Variants in DDX60 observed in about 807,000 individuals in gnomAD.
DDX60 encodes the protein probable ATP-dependent RNA helicase DDX60.
Under a neutral mutation model 212.8 loss-of-function variants are expected in DDX60, and 165 were observed. That is an observed-to-expected ratio of 0.78 (90% confidence interval 0.68 to 0.88). DDX60 has a LOEUF of 0.88. Among genes scored for constraint, DDX60 ranks in the 40% least tolerant of loss-of-function variants. The pLI is 0.00. For missense variants in DDX60, 1,905 were observed against 2,003.9 expected (o/e 0.95, Z 0.94); for synonymous variants, 703 against 685.3 (o/e 1.03, Z -0.40).
intron 3 of DDX60, 65 bp from the exon 4 acceptor site, chr4:168,308,260 G>A (rs1249072342): frequency 2.7e-5 from 25 of 941,362 alleles, no homozygotes; most frequent in Admixed American, 6.0e-5. Context: ...AAAAGGCATC[G>A]TTCTTATTAG....
rs181020763 is a variant in DDX60, at chr4:168,222,681, C to A, written c.4825-800G>T. 1.8e-4 allele frequency among the ~76,000 whole-genome samples: 28 copies of A among 152,218 alleles called. No homozygotes were observed. The East Asian group carries it at 4.8e-3, about 26-fold the overall frequency. Reference sequence around the variant, plus strand: ...TTCACTCCTGCTGAGACTTGTTTGGCACAGCTACTTTTTAAATGAGTTGGT... The same window carrying A: ...TTCACTCCTGCTGAGACTTGTTTGGAACAGCTACTTTTTAAATGAGTTGGT... On this transcript the variant is annotated intron_variant, in intron 35 of 37. Coordinates refer to ENST00000393743, the MANE Select transcript of DDX60 (RefSeq NM_017631.6).
At chr4:168,281,290 T>C (rs1735582924) in intron 13 of DDX60, among the ~76,000 whole-genome samples, 3 of 152,204 alleles carry the variant, frequency 2.0e-5, no homozygotes, top group Admixed American at 2.0e-4. Flanking sequence ...CCCTGTTCTC[T>C]ACTTGTTTAT....
chr4:168,294,906 A>T (rs1157247439), intron 6 of DDX60, among the ~76,000 whole-genome samples: 1 of 152,226 alleles, frequency 6.6e-6, no homozygotes, highest in Non-Finnish European at 1.5e-5. Context: ...AACGACCTGG[A>T]CAGTCATTAC....
intron 30 of DDX60, among the ~76,000 whole-genome samples, chr4:168,245,359 T>G (rs536879791): frequency 6.6e-6 from 1 of 152,188 alleles, no homozygotes; most frequent in Non-Finnish European, 1.5e-5. Flanking sequence ...TTAGTTTGAT[T>G]TGATGAATGA....
intron 14 of DDX60, among the ~76,000 whole-genome samples, chr4:168,279,458 C>A (rs531717341): frequency 3.3e-5 from 5 of 152,330 alleles, no homozygotes; most frequent in African/African-American, 1.2e-4. Context: ...ATTCAATCAG[C>A]AATTGATGCA....
At chr4:168,307,957 T>G (rs777341083) in intron 4 of DDX60, 49 bp downstream of exon 4, 3 of 1,168,704 alleles carry the variant, frequency 2.6e-6, no homozygotes, top group Non-Finnish European at 3.5e-6. Flanking sequence ...TTTAGGAAAT[T>G]TTAGTTTTAG....
rs142409343 is a variant in DDX60 at position 168,227,183 on chromosome 4, T to C, written c.4534-1507A>G. On this transcript the variant is annotated intron_variant, in intron 33 of 37. Coordinates refer to ENST00000393743, the MANE Select transcript of DDX60 (RefSeq NM_017631.6). ...GGAAGAATTCACCAGTGAAGCCATC[T>C]GAGCCTTGGGTTTTCTTTGTGGGAA... Among the ~76,000 whole-genome samples, 130 of 150,844 alleles carry C rather than the reference T, an allele frequency of 8.6e-4. 1 individual carries two copies. In the East Asian group the frequency reaches 0.019, roughly 22 times the overall value.
At chr4:168,270,063 G>A (rs969500186) in intron 19 of DDX60, among the ~76,000 whole-genome samples, 3 of 152,148 alleles carry the variant, frequency 2.0e-5, no homozygotes, top group Non-Finnish European at 4.4e-5. Context: ...GAGCTCACTT[G>A]TTTATTTCCT....
chr4:168,222,513 T>C (rs1313204934), intron 35 of DDX60, among the ~76,000 whole-genome samples: 2 of 152,136 alleles, frequency 1.3e-5, no homozygotes, highest in East Asian at 3.9e-4. Context: ...TACATAAATA[T>C]CTATGAATAA....
chr4:168,306,318 T>A, intron 5 of DDX60, 61 bp downstream of exon 5: 2 of 1,300,662 alleles, frequency 1.5e-6, no homozygotes, highest in Non-Finnish European at 2.1e-6. Flanking sequence ...AAAAACTGAG[T>A]CAAGTAACTT....
intron 6 of DDX60, among the ~76,000 whole-genome samples, chr4:168,298,958 T>C (rs1736527628): frequency 6.6e-6 from 1 of 151,840 alleles, no homozygotes; most frequent in Non-Finnish European, 1.5e-5. Context: ...GTCAAGAGAT[T>C]GAAACCATCC....
At chr4:168,286,961 A>G (rs1735888172) in intron 10 of DDX60, 87 bp downstream of exon 10, 2 of 985,202 alleles carry the variant, frequency 2.0e-6, no homozygotes, top group Non-Finnish European at 2.9e-6. Flanking sequence ...AAAATTATTT[A>G]TACTTGCAGC....
Position 168,311,064 on chromosome 4 carries a change from C to A in DDX60, c.8G>T (p.Arg3Ile). 1 of 1,558,206 alleles carries A rather than the reference C, an allele frequency of 6.4e-7. No homozygotes were observed. Among genetic ancestry groups the A allele is most frequent in the African/African-American group, 1.4e-5 (1 of 73,384 alleles). ...CTGTGAAAATGTTGTAAGAACATTT[C>A]TTTCTAAATTTAAAAAAAAAGAGAG... ME[R>I]NVLTTFSQEM... The change falls in exon 3 of 38, where the codon AGA (arginine) becomes ATA (isoleucine). Residue 3 changes from arginine to isoleucine, a missense_variant. Physicochemically the swap from Arg to Ile is moderately conservative, Grantham distance 97. Coordinates refer to ENST00000393743, the MANE Select transcript of DDX60 (RefSeq NM_017631.6).
At chr4:168,240,960 T>A (rs1162721897) in intron 30 of DDX60, among the ~76,000 whole-genome samples, 4 of 152,196 alleles carry the variant, frequency 2.6e-5, no homozygotes, top group South Asian at 2.1e-4. Flanking sequence ...AATTCCCGCA[T>A]GTCATAGAAG....
At chr4:168,237,665 C>G (rs368653421) in intron 31 of DDX60, 26 bp downstream of exon 31, 8 of 1,584,592 alleles carry the variant, frequency 5.0e-6, no homozygotes, top group Non-Finnish European at 6.9e-6. Context: ...TGCTATTTCC[C>G]AAAACAAAAG....
At chr4:168,255,313 A>G (rs1476966362) in intron 26 of DDX60, among the ~76,000 whole-genome samples, 1 of 152,192 alleles carries the variant, frequency 6.6e-6, no homozygotes, top group Admixed American at 6.5e-5. Context: ...CTGTGATGTT[A>G]TATTAGTGAG....
chr4:168,305,827 T>C lies in DDX60; in HGVS notation c.606+552A>G, dbSNP rs142914313. On this transcript the variant is annotated intron_variant, in intron 5 of 37. Coordinates refer to ENST00000393743, the MANE Select transcript of DDX60 (RefSeq NM_017631.6). ...TACTTAATAATAAGAAATAAGCTTATTTCAGTTATTTTCCTTCTTTATTGA... is the reference window on the plus strand; with the variant it reads ...TACTTAATAATAAGAAATAAGCTTACTTCAGTTATTTTCCTTCTTTATTGA... 3.4e-3 allele frequency among the ~76,000 whole-genome samples: 515 copies of C among 152,188 alleles called. 3 individuals are homozygous for C. Among genetic ancestry groups the C allele is most frequent in the African/African-American group, 9.6e-3 (398 of 41,538 alleles).
At chr4:168,293,269 A>G (rs1736186585) in intron 7 of DDX60, among the ~76,000 whole-genome samples, 1 of 152,206 alleles carries the variant, frequency 6.6e-6, no homozygotes, top group African/African-American at 2.4e-5. Context: ...ACGCCAAGAC[A>G]CTACAGCAGG....
intron 31 of DDX60, 61 bp downstream of exon 31, chr4:168,237,630 T>C (rs1454411229): frequency 2.5e-5 from 35 of 1,410,540 alleles, no homozygotes; most frequent in East Asian, 1.9e-4. Context: ...TTGTTCAGCA[T>C]GATAAGAAAT....
Sources: gnomAD v4.1 joint callset for allele counts (sites outside exome capture counted in the v4.1 genomes callset) on GRCh38, gnomAD v4.1.1 for gene constraint, MANE v1.5 for transcripts, NCBI Gene and HGNC (gene_info 2026-07-23, HGNC 2026-07-21) for gene names.